Variants in SORBS2 observed in about 807,000 individuals in gnomAD.
SORBS2 encodes the protein sorbin and SH3 domain containing 2.
Under a neutral mutation model 97.7 loss-of-function variants are expected in SORBS2, and 46 were observed. That is an observed-to-expected ratio of 0.47 (90% CI 0.37 to 0.60). SORBS2 has a LOEUF of 0.60. Ranked by LOEUF, SORBS2 falls within the 20% of genes least tolerant of loss-of-function variation. SORBS2 has a pLI of 0.00. For missense variants in SORBS2, 1,316 were observed against 1,282.3 expected (o/e 1.03, Z -0.40); for synonymous variants, 476 against 473.4 (o/e 1.01, Z -0.07).
At chr4:185,811,986 T>A (rs2099187161) in intron 1 of SORBS2, 1 of 152,264 alleles carries the variant, frequency 6.6e-6, no homozygotes, top group African/African-American at 2.4e-5. Flanking sequence ...AAACCTTTGC[T>A]GCTGCCTGAT....
At chr4:185,787,650 C>T (rs1419833890) in intron 1 of SORBS2, among the ~76,000 whole-genome samples, 1 of 152,136 alleles carries the variant, frequency 6.6e-6, no homozygotes, top group Non-Finnish European at 1.5e-5. Flanking sequence ...CTCTGAGCCT[C>T]CCTCCTCCCA....
intron 6 of SORBS2, among the ~76,000 whole-genome samples, chr4:185,624,993 T>C (rs1323304273): frequency 6.6e-6 from 1 of 152,220 alleles, no homozygotes; most frequent in African/African-American, 2.4e-5. Flanking sequence ...GAATTAATAC[T>C]CTCATGACTA....
At chr4:185,834,128 C>T (rs1021978322) in intron 1 of SORBS2, among the ~76,000 whole-genome samples, 2 of 152,190 alleles carry the variant, frequency 1.3e-5, no homozygotes, top group East Asian at 1.9e-4. Flanking sequence ...AGTCAATTCT[C>T]GTGCTGCTGT....
chr4:185,766,246 T>C (rs1159610294), intron 2 of SORBS2, among the ~76,000 whole-genome samples: 2 of 152,222 alleles, frequency 1.3e-5, no homozygotes, highest in Non-Finnish European at 2.9e-5. Context: ...TACTCATAGA[T>C]GTGCACAGAA....
intron 1 of SORBS2, among the ~76,000 whole-genome samples, chr4:185,878,378 T>C (rs1007516373): frequency 1.3e-5 from 2 of 152,232 alleles, no homozygotes; most frequent in Non-Finnish European, 2.9e-5. Context: ...GCAAAGCAAG[T>C]GTGTGATTCA....
chr4:185,622,799 T>A, intron 7 of SORBS2, 115 bp downstream of exon 19: 1 of 1,076,004 alleles, frequency 9.3e-7, no homozygotes, highest in Non-Finnish European at 1.3e-6. Flanking sequence ...TCACAACACA[T>A]AACGACGCCA....
At chr4:185,904,972 C>T (rs539404770) in intron 1 of SORBS2, among the ~76,000 whole-genome samples, 3 of 152,036 alleles carry the variant, frequency 2.0e-5, no homozygotes, top group Non-Finnish European at 2.9e-5. Flanking sequence ...GGCGTGGTGG[C>T]GCATGCCTAT....
chr4:185,789,049 G>A (rs760616718), intron 1 of SORBS2, among the ~76,000 whole-genome samples: 7 of 152,184 alleles, frequency 4.6e-5, no homozygotes, highest in Non-Finnish European at 1.0e-4. Context: ...TTCCTGGGCC[G>A]CAGAACACAC....
intron 1 of SORBS2, among the ~76,000 whole-genome samples, chr4:185,862,566 G>A (rs143538291): frequency 5.9e-5 from 9 of 152,280 alleles, no homozygotes; most frequent in East Asian, 1.9e-4. Flanking sequence ...CTTACCTTGC[G>A]GTGCACTTAA....
At chr4:185,688,492 T>A (rs80296297) in intron 2 of SORBS2, among the ~76,000 whole-genome samples, 2 of 114,240 alleles carry the variant, frequency 1.8e-5, no homozygotes, top group East Asian at 2.4e-4. Context: ...ATCTGTCTAT[T>A]GATAGATAGA....
intron 4 of SORBS2, chr4:185,677,327 G>A: frequency 1.9e-6 from 3 of 1,552,364 alleles, no homozygotes; most frequent in Non-Finnish European, 2.6e-6. Flanking sequence ...AATCTTGCCT[G>A]TAGTCCTCTT....
chr4:185,940,450 T>C (rs1188047485), intron 1 of SORBS2, among the ~76,000 whole-genome samples: 1 of 152,050 alleles, frequency 6.6e-6, no homozygotes, highest in African/African-American at 2.4e-5. Context: ...GCTCACCACC[T>C]CCCCAGCCAT....
chr4:185,608,537 A>G (rs1415238316), intron 12 of SORBS2, among the ~76,000 whole-genome samples: 1 of 152,336 alleles, frequency 6.6e-6, no homozygotes, highest in Middle Eastern at 3.4e-3. Context: ...ACGTAGTATT[A>G]CTGATGTATT....
intron 1 of SORBS2, among the ~76,000 whole-genome samples, chr4:185,808,805 T>G (rs2099167328): frequency 6.6e-6 from 1 of 152,214 alleles, no homozygotes; most frequent in South Asian, 2.1e-4. Context: ...TACATTATAA[T>G]CGGCTACTAA....
chr4:185,923,266 CTGAG>C (rs2099261818), intron 1 of SORBS2, among the ~76,000 whole-genome samples: 1 of 152,046 alleles, frequency 6.6e-6, no homozygotes, highest in South Asian at 2.1e-4. Context: ...GCCTCCTTTC[CTGAG>C]TAACTTATTC....
chr4:185,652,556 G>C, intron 2 of SORBS2, 106 bp downstream of exon 10: 1 of 867,716 alleles, frequency 1.2e-6, no homozygotes, highest in Non-Finnish European at 2.0e-6. Context: ...GGGACACGGA[G>C]TTTGCTGGGG....
chr4:185,785,537 C>G (rs1274510240), intron 1 of SORBS2, among the ~76,000 whole-genome samples: 1 of 152,106 alleles, frequency 6.6e-6, no homozygotes, highest in Non-Finnish European at 1.5e-5. Flanking sequence ...TGATGGAGAG[C>G]GTGGTCTGTA....
chr4:185,704,372 G>A (rs1362517338), intron 2 of SORBS2, among the ~76,000 whole-genome samples: 1 of 152,066 alleles, frequency 6.6e-6, no homozygotes, highest in Admixed American at 6.6e-5. Flanking sequence ...AGGCTGGAGT[G>A]CAGTGGCGTG....
At chr4:185,740,327 T>C (rs1161712904) in intron 2 of SORBS2, 1 of 152,372 alleles carries the variant, frequency 6.6e-6, no homozygotes, top group Non-Finnish European at 1.5e-5. Flanking sequence ...CATTCATCCC[T>C]GCTGGCACGT....
Sources: allele counts gnomAD v4.1 joint callset (sites outside exome capture counted in the v4.1 genomes callset), GRCh38; gene constraint gnomAD v4.1.1; transcripts MANE v1.5; gene names NCBI Gene and HGNC (gene_info 2026-07-23, HGNC 2026-07-21).